MTMR10: variants seen among roughly 807,000 people sequenced by gnomAD.
MTMR10 encodes the protein myotubularin-related protein 10.
Under a neutral mutation model 88.1 loss-of-function variants are expected in MTMR10, and 56 were observed. The observed-to-expected ratio is 0.64, with a 90% CI of 0.51 to 0.79. The LOEUF (loss-of-function observed/expected upper bound fraction) is 0.79, where lower values mean the gene tolerates loss of function less well. MTMR10 is among the 30% of genes least tolerant of loss of function. MTMR10 has a pLI of 0.00. For missense variants in MTMR10, 883 were observed against 924.7 expected (o/e 0.95, Z 0.58); for synonymous variants, 380 against 340.9 (o/e 1.11, Z -1.26).
chr15:30,966,858 C>CTTTTT (rs76851097), intron 6 of MTMR10, among the ~76,000 whole-genome samples: 2 of 131,084 alleles, frequency 1.5e-5, no homozygotes, highest in African/African-American at 2.9e-5. Flanking sequence ...ACTGTATTTT[C>CTTTTT]TTTTTTTTTT....
Position 30,938,951 on chromosome 15 carries a change from G to A in MTMR10, c.*2519C>T, listed in dbSNP as rs777877557. The A allele has an allele frequency of 2.2e-4, 212 of 985,264 alleles. 1 individual carries two copies. Among genetic ancestry groups the A allele is most frequent in the Non-Finnish European group, 1.5e-4 (126 of 829,910 alleles). The allele number at this position is 985,264 out of a possible 1,614,324, so 61.0% of individuals were successfully genotyped here. A position where few individuals can be genotyped will look rare whatever the true frequency, so the allele number is the denominator to read the frequency against. ...ATACTGACAACAACAAACAGTCGCT[G>A]TGGAATTTTATTAAGCCATCAAAAT... On this transcript the variant is annotated 3_prime_UTR_variant, in exon 16 of 16. Transcript: ENST00000435680.
At chr15:30,950,556 G>A (rs2063229980) in intron 12 of MTMR10, among the ~76,000 whole-genome samples, 1 of 152,028 alleles carries the variant, frequency 6.6e-6, no homozygotes, top group Non-Finnish European at 1.5e-5. Flanking sequence ...TGTAATCCCA[G>A]CTACTTGGGA....
chr15:30,953,996 T>TTGC (rs2063286556), intron 10 of MTMR10, among the ~76,000 whole-genome samples: 1 of 152,220 alleles, frequency 6.6e-6, no homozygotes, highest in South Asian at 2.1e-4. Context: ...GCTTTCTCAC[T>TTGC]GCAAGCCTTG....
chr15:30,966,858 CTT>C (rs76851097), intron 6 of MTMR10, among the ~76,000 whole-genome samples: 14 of 131,048 alleles, frequency 1.1e-4, no homozygotes, highest in Admixed American at 7.6e-5. Flanking sequence ...ACTGTATTTT[CTT>C]TTTTTTTTTT....
chr15:30,930,409 C>A, the MTMR10 span: 3 of 1,013,840 alleles, frequency 3.0e-6, no homozygotes, highest in Non-Finnish European at 4.1e-6. Context: ...AGCAGAACAG[C>A]GCATGGTGGG....
chr15:30,976,741 C>A (rs531153462), intron 3 of MTMR10, 78 bp downstream of exon 3: 67 of 1,449,842 alleles, frequency 4.6e-5, no homozygotes, highest in Non-Finnish European at 6.1e-5. Flanking sequence ...CTTTTCCATA[C>A]CTATGTTTTA....
downstream of MTMR10, among the ~76,000 whole-genome samples, chr15:30,936,683 A>G (rs1445101996): frequency 6.6e-6 from 1 of 152,148 alleles, no homozygotes; most frequent in Non-Finnish European, 1.5e-5. Flanking sequence ...CATTTAACAT[A>G]TTTATCCCAC....
chr15:30,937,410 T>G (rs1054434077), downstream of MTMR10, among the ~76,000 whole-genome samples: 4 of 152,110 alleles, frequency 2.6e-5, no homozygotes, highest in African/African-American at 9.7e-5. Flanking sequence ...AGTGTTTGCT[T>G]GAATACACTC....
the MTMR10 span, among the ~76,000 whole-genome samples, chr15:30,931,763 G>A: frequency 6.6e-6 from 1 of 151,946 alleles, no homozygotes; most frequent in Non-Finnish European, 1.5e-5. Flanking sequence ...TATACTCTTC[G>A]GTTCCATTGA....
intron 7 of MTMR10, among the ~76,000 whole-genome samples, chr15:30,960,431 G>A (rs561358332): frequency 1.1e-3 from 166 of 152,228 alleles, no homozygotes; most frequent in African/African-American, 3.6e-3. Context: ...AACACATTAC[G>A]GGACACCCTG....
Position 30,941,976 on chromosome 15 carries a change from A to G in MTMR10, c.1828T>C (p.Leu610=), listed in dbSNP as rs377638176. The change falls in exon 16 of 16, where the codon TTA becomes CTA. Residue 610 remains leucine (L), a synonymous_variant. Transcript: ENST00000435680. ...TGAGCTGGATCTGGCTTTGGTTTTA[A>G]TATCAATGAATTTCTCCTTGGAAGT... ...ELLPRRNSLI[L]KPKPDPAQQT... is the part of the protein sequence containing the mutation. 1.6e-5 allele frequency: 26 copies of G among 1,613,850 alleles called. No homozygotes were observed. The highest frequency in any genetic ancestry group is 3.3e-4 in the Middle Eastern group (2 of 6,084).
chr15:30,927,406 G>A, the MTMR10 span: 4 of 985,444 alleles, frequency 4.1e-6, no homozygotes, highest in South Asian at 4.7e-5. Context: ...TGAGTGAACC[G>A]CTGTCCTTTT....
At chr15:30,943,733 C>T (rs2063122673) in intron 14 of MTMR10, 1 of 985,350 alleles carries the variant, frequency 1.0e-6, no homozygotes, top group Non-Finnish European at 1.2e-6. Flanking sequence ...CTTCCCACCA[C>T]AGTAAACTGA....
In MTMR10 at chr15:30,960,865, C is replaced by A; in HGVS notation, c.758+16G>T. 6.4e-7 allele frequency: 1 copy of A among 1,567,270 alleles called. No homozygotes were observed. ...TGACTTCCAGCCATATATAACATTG[C>A]TAAAATTGTACTTACCAAGTGGATA... On this transcript the variant is annotated intron_variant, in intron 7 of 15. Transcript: ENST00000435680.
the MTMR10 span, chr15:30,927,896 C>T: frequency 2.0e-6 from 2 of 985,772 alleles, no homozygotes; most frequent in African/African-American, 1.7e-5. Context: ...CACCTGACTT[C>T]TGTCTCTCAG....
chr15:30,943,548 CTGAGCCAG>C (rs1054710322), intron 14 of MTMR10: 1 of 985,282 alleles, frequency 1.0e-6, no homozygotes, highest in African/African-American at 1.7e-5. Flanking sequence ...CTACACTTCA[CTGAGCCAG>C]TGATCTCAAA....
intron 1 of MTMR10, 136 bp downstream of exon 1, chr15:30,991,311 G>C (rs1466566704): frequency 9.9e-6 from 9 of 906,836 alleles, no homozygotes; most frequent in Middle Eastern, 7.4e-4. Context: ...CGCGGCGCCG[G>C]GAATCAGGCA....
At chr15:30,920,016 A>G in the MTMR10 span, among the ~76,000 whole-genome samples, 222 of 152,372 alleles carry the variant, frequency 1.5e-3, no homozygotes, top group Admixed American at 2.9e-3. Context: ...AAAAGGTCAC[A>G]TAGTGAATAT....
chr15:30,934,530 T>C (rs1318619215), downstream of MTMR10, among the ~76,000 whole-genome samples: 1 of 152,130 alleles, frequency 6.6e-6, no homozygotes, highest in East Asian at 1.9e-4. Context: ...CACGCCACCA[T>C]GCCTGGCTAA....
Sources: allele counts gnomAD v4.1 joint callset (sites outside exome capture counted in the v4.1 genomes callset), GRCh38; gene constraint gnomAD v4.1.1; transcripts MANE v1.5; gene names NCBI Gene and HGNC (gene_info 2026-07-23, HGNC 2026-07-21).